Variants in CTCFL observed in about 807,000 individuals in gnomAD.
CTCFL encodes the protein CCCTC-binding factor like, also known as transcriptional repressor CTCFL.
CTCFL carries 36 observed loss-of-function variants against 67.4 expected under a neutral mutation model. That is an observed-to-expected ratio of 0.53 (90% CI 0.41 to 0.71). CTCFL has a LOEUF of 0.71. CTCFL is among the 30% of genes least tolerant of loss of function. CTCFL has a pLI of 0.00. For synonymous variants in CTCFL, 324 were observed against 302.3 expected (o/e 1.07, Z -0.75); for missense variants, 786 against 835.2 (o/e 0.94, Z 0.73).
chr20:57,514,813 GTTTTT>G, intron 6 of CTCFL, 72 bp from the exon 7 acceptor site: 1 of 1,201,386 alleles, frequency 8.3e-7, no homozygotes, highest in Non-Finnish European at 1.1e-6. Flanking sequence ...TGCTGAAAGT[GTTTTT>G]TTTTTTTGCC....
At chr20:57,496,160 C>T (rs919016988), downstream of CTCFL, 10 of 436,350 alleles carry the variant, frequency 2.3e-5, no homozygotes, top group Admixed American at 3.9e-5. Context: ...TAGCACCATC[C>T]GCTTGGTGCT....
chr20:57,514,630 G>C lies in CTCFL; in HGVS notation c.1292C>G (p.Pro431Arg). Residue 431 changes from proline to arginine, a missense_variant, in exon 7 of 11, where the codon CCC (proline) becomes CGC (arginine). By Grantham distance (103) the Pro-to-Arg change is moderately radical (BLOSUM62 -2). Transcript: ENST00000243914. ...CCGTGCAATGATGGTGGCACAATGG[G>C]GACACTGGTATTTGGGGACATTTTC... ...HGENVPKYQC[P>R]HCATIIARKS... 6.2e-7 allele frequency: 1 copy of C among 1,614,188 alleles called. No homozygotes were observed. Among genetic ancestry groups the C allele is most frequent in the Non-Finnish European group, 8.5e-7 (1 of 1,180,036 alleles).
At chr20:57,502,154 G>A (rs535834222) in intron 10 of CTCFL, among the ~76,000 whole-genome samples, 12 of 152,326 alleles carry the variant, frequency 7.9e-5, no homozygotes, top group Admixed American at 3.3e-4. Flanking sequence ...GCTGTGTGAC[G>A]CAGGCATGGG....
rs2068360182 is a variant in CTCFL at position 57,508,665 on chromosome 20, C to T, written c.1615G>A (p.Ala539Thr). 1.2e-6 allele frequency: 2 copies of T among 1,614,018 alleles called. No individual in the cohort carries two copies. The change falls in exon 9 of 11, where the codon GCA becomes ACA. Residue 539 changes from alanine to threonine, a missense_variant. Ala to Thr is a moderately conservative substitution (Grantham distance 58). Transcript: ENST00000243914. ...TTGTAAACAGTCGGGATGAAATTTG[C>T]ATCGTGGTATTTCCTGAAGTGAGCG... is the stretch of plus-strand genomic sequence containing the variant. The part of the protein sequence containing the change: ...LNAHFRKYHD[A>T]NFIPTVYKCS...
Position 57,514,698 on chromosome 20 carries a change from G to A in CTCFL, c.1224C>T (p.Thr408=). 6.2e-7 allele frequency: 1 copy of A among 1,614,138 alleles called. No individual in the cohort carries two copies. The highest frequency in any genetic ancestry group is 1.1e-5 in the South Asian group (1 of 91,088). ...TATGTATTTTCATGGTCCCGCTCTG[G>A]GTGAAGCGGGTGTGGCAGATGTGGC... ...YECHICHTRF[T]QSGTMKIHIL... is the part of the protein sequence containing the mutation. Residue 408 remains threonine, a synonymous_variant, in exon 7 of 11, where the codon ACC becomes ACT. Transcript: ENST00000243914.
In CTCFL at chr20:57,498,317, A is replaced by G; in HGVS notation, c.*233T>C. The stretch of plus-strand genomic sequence containing the variant: ...TTTGAAATATCCAGCTACAAACAGG[A>G]GAACAATTCTAGACACTACCTCAAA... On this transcript the variant is annotated 3_prime_UTR_variant, in exon 11 of 11. Transcript: ENST00000243914. 1 of 1,205,446 alleles carries G rather than the reference A, an allele frequency of 8.3e-7. No homozygotes were observed. The highest frequency in any genetic ancestry group is 1.0e-6 in the Non-Finnish European group (1 of 967,632). 74.7% of individuals were successfully genotyped at this position (1,205,446 alleles called of 1,614,324 possible). A position where few individuals can be genotyped will look rare whatever the true frequency, so the allele number is the denominator to read the frequency against.
rs1201978966 is a variant in CTCFL, at chr20:57,513,903, G to A, written c.1330+689C>T. ...ACAAAGAAGAGGCTCGTTCACTCAC[G>A]CTTCCCACACCCTCCCTCCCATTGC... On this transcript the variant is annotated intron_variant, in intron 7 of 10. Coordinates refer to ENST00000243914, the MANE Select transcript of CTCFL (RefSeq NM_001386993.1). The A allele has an allele frequency of 5.4e-6, 7 of 1,288,628 alleles. No homozygotes were observed. The East Asian group carries it at 1.7e-4, about 31-fold the overall frequency. The allele number at this position is 1,288,628 out of a possible 1,614,324, so 79.8% of individuals were successfully genotyped here. A position where few individuals can be genotyped will look rare whatever the true frequency, so the allele number is the denominator to read the frequency against.
chr20:57,504,082 T>G (rs147436857), intron 9 of CTCFL, among the ~76,000 whole-genome samples: 2,281 of 151,888 alleles, frequency 0.015, 52 homozygotes, highest in African/African-American at 0.052. Context: ...GTTCACGTCA[T>G]TCTCCTGCCT....
intron 8 of CTCFL, 72 bp downstream of exon 8, chr20:57,512,520 G>GC: frequency 6.9e-7 from 1 of 1,457,142 alleles, no homozygotes; most frequent in South Asian, 1.2e-5. Context: ...TCTTCAAGGT[G>GC]GTAGAGAATC....
chr20:57,503,882 G>A (rs1176141917), intron 9 of CTCFL, among the ~76,000 whole-genome samples: 1 of 151,690 alleles, frequency 6.6e-6, no homozygotes, highest in African/African-American at 2.4e-5. Context: ...CGGAGGTCGA[G>A]GCTGCAGTGA....
At chr20:57,507,053 T>C (rs1291758356) in intron 9 of CTCFL, 7 of 987,698 alleles carry the variant, frequency 7.1e-6, no homozygotes, top group Non-Finnish European at 8.4e-6. Context: ...GCCTACATGG[T>C]CCAAGGATCT....
chr20:57,496,067 A>C (rs2067721732), downstream of CTCFL: 2 of 399,018 alleles, frequency 5.0e-6, no homozygotes, highest in South Asian at 2.6e-4. Context: ...GCCAAAGCTC[A>C]TGTTGAATTG....
At position 57,508,801 on chromosome 20, in the gene CTCFL, G is replaced by A. The variant is rs1294715805; in HGVS notation, c.1492-13C>T. The A allele has an allele frequency of 3.1e-6, 5 of 1,612,512 alleles. No homozygotes were observed. Among genetic ancestry groups the A allele is most frequent in the South Asian group, 1.1e-5 (1 of 90,958 alleles). ...TCATATGACGTTCCTAAGAGGGAAG[G>A]GGAAGAAAGCAGCTTGTCTAGTTCA... On this transcript the variant is annotated splice_polypyrimidine_tract_variant and intron_variant, in intron 8 of 10. Transcript: ENST00000243914.
chr20:57,518,746 G>C lies in CTCFL; in HGVS notation c.1059+12C>G. 1 of 1,614,132 alleles carries C rather than the reference G, an allele frequency of 6.2e-7. No homozygotes were observed. Among genetic ancestry groups the C allele is most frequent in the Non-Finnish European group, 8.5e-7 (1 of 1,180,018 alleles). ...AGATGCCATGAAGCTTCAAGTCCAAGAATGGCTTTACCTCCACACTGGCAT... is the reference window on the plus strand; with the variant it reads ...AGATGCCATGAAGCTTCAAGTCCAACAATGGCTTTACCTCCACACTGGCAT... On this transcript the variant is annotated intron_variant, in intron 5 of 10. Transcript: ENST00000243914.
At position 57,519,488 on chromosome 20, in the gene CTCFL, C is replaced by T. The variant is rs572748087; in HGVS notation, c.755-111G>A. The stretch of plus-strand genomic sequence containing the variant: ...AACTAACGTGGGAACTGAACAATAG[C>T]ACATGCTATTTATATCCACAAGCTG... On this transcript the variant is annotated intron_variant, in intron 3 of 10. Coordinates refer to ENST00000243914, the MANE Select transcript of CTCFL (RefSeq NM_001386993.1). 3 of 884,962 alleles carry T rather than the reference C, an allele frequency of 3.4e-6. No individual in the cohort carries two copies. The Admixed American group carries it at 6.1e-5, about 18-fold the overall frequency. The allele number at this position is 884,962 out of a possible 1,614,324, so 54.8% of individuals were successfully genotyped here. A position where few individuals can be genotyped will look rare whatever the true frequency, so the allele number is the denominator to read the frequency against.
rs772867909 is a variant in CTCFL, at chr20:57,503,610, G to A, written c.1675-9C>T. ...TGTCTGTGCAGGTTAATCTGTCGGA[G>A]AATTGACACAGAACACACAAGGCGA... On this transcript the variant is annotated splice_polypyrimidine_tract_variant and intron_variant, in intron 9 of 10. Coordinates refer to ENST00000243914, the MANE Select transcript of CTCFL (RefSeq NM_001386993.1). The A allele has an allele frequency of 1.2e-6, 2 of 1,613,964 alleles. No homozygotes were observed. Among genetic ancestry groups the A allele is most frequent in the East Asian group, 2.2e-5 (1 of 44,874 alleles).
At chr20:57,521,157 G>A (rs913325267) in intron 3 of CTCFL, among the ~76,000 whole-genome samples, 1 of 152,234 alleles carries the variant, frequency 6.6e-6, no homozygotes, top group East Asian at 1.9e-4. Context: ...ACTGTGAGAG[G>A]TATGTTTCTG....
Position 57,519,031 on chromosome 20 carries a change from G to T in CTCFL, c.926-140C>A, listed in dbSNP as rs147541931. On this transcript the variant is annotated intron_variant, in intron 4 of 10. Coordinates refer to ENST00000243914, the MANE Select transcript of CTCFL (RefSeq NM_001386993.1). Reference sequence around the variant, plus strand: ...GGCTCCTTAAACTATAAATACCACAGATGCATGTGAGAAAAATCTTTGTAA... The same window carrying T: ...GGCTCCTTAAACTATAAATACCACATATGCATGTGAGAAAAATCTTTGTAA... 290 of 1,184,124 alleles carry T rather than the reference G, an allele frequency of 2.4e-4. No homozygotes were observed. The African/African-American group carries it at 3.7e-3, about 15-fold the overall frequency. 73.4% of individuals were successfully genotyped at this position (1,184,124 alleles called of 1,614,324 possible).
intron 7 of CTCFL, chr20:57,513,461 A>G: frequency 1.0e-6 from 1 of 991,676 alleles, no homozygotes; most frequent in Non-Finnish European, 1.2e-6. Flanking sequence ...GATTTCTCAT[A>G]CAGTCATGGG....
Sources: gnomAD v4.1 joint callset for allele counts (sites outside exome capture counted in the v4.1 genomes callset) on GRCh38, gnomAD v4.1.1 for gene constraint, MANE v1.5 for transcripts, NCBI Gene and HGNC (gene_info 2026-07-23, HGNC 2026-07-21) for gene names.